The following TRMO variants were observed in gnomAD, a reference collection of about 807,000 sequenced individuals.
The protein encoded by TRMO is tRNA methyltransferase O.
A neutral mutation model predicts 37.2 loss-of-function variants in TRMO; 30 were observed. The observed-to-expected ratio is 0.81, with a 90% confidence interval of 0.60 to 1.09. The LOEUF is 1.09. TRMO is among the 50% of genes least tolerant of loss of function. The pLI is 0.00. For synonymous variants in TRMO, 239 were observed against 199.4 expected (o/e 1.20, Z -1.67); for missense variants, 552 against 549.5 (o/e 1.00, Z -0.05).
intron 4 of TRMO, among the ~76,000 whole-genome samples, chr9:97,905,773 AT>A (rs1225957224): frequency 6.6e-6 from 1 of 152,100 alleles, no homozygotes; most frequent in East Asian, 1.9e-4. Flanking sequence ...AGTGGATTTG[AT>A]TTCTACAAGC....
intron 1 of TRMO, among the ~76,000 whole-genome samples, chr9:97,920,391 G>C (rs1826570681): frequency 6.6e-6 from 1 of 152,198 alleles, no homozygotes; most frequent in African/African-American, 2.4e-5. Flanking sequence ...TCAGAATGGA[G>C]AAAGGATAAA....
In TRMO at chr9:97,910,264, A is replaced by C; in HGVS notation, c.762T>G (p.Phe254Leu). 1.2e-6 allele frequency: 2 copies of C among 1,614,228 alleles called. No individual in the cohort carries two copies. The highest frequency in any genetic ancestry group is 1.7e-6 in the Non-Finnish European group (2 of 1,180,044). The change falls in exon 4 of 5, where the codon TTT becomes TTG. Residue 254 changes from phenylalanine (F) to leucine (L), a missense_variant. Coordinates refer to ENST00000375119, the MANE Select transcript of TRMO (RefSeq NM_016481.5). ...TCTGATCACGTCTTGATTCCAAACC[A>C]AAATCCACTGCTATCTCCCTGTGCA... is the stretch of plus-strand genomic sequence containing the variant. ...FPMHREIAVDFGLESRRDQSS... is the reference protein window; with the variant it reads ...FPMHREIAVDLGLESRRDQSS...
chr9:97,909,965 G>A lies in TRMO; in HGVS notation c.1061C>T (p.Ser354Leu). The A allele has an allele frequency of 6.5e-7, 1 of 1,528,694 alleles. No homozygotes were observed. Among genetic ancestry groups the A allele is most frequent in the Non-Finnish European group, 8.8e-7 (1 of 1,139,368 alleles). 94.7% of individuals were successfully genotyped at this position (1,528,694 alleles called of 1,614,324 possible). Residue 354 changes from serine to leucine, a missense_variant, in exon 4 of 5, where the codon TCA (serine) becomes TTA (leucine). Transcript: ENST00000375119. Reference protein sequence around the residue: ...HAEMDLGQLSSQDVGQASFKY... With the variant: ...HAEMDLGQLSLQDVGQASFKY... ...AATGAAGAAACTGAAGATACCTTGT[G>A]AACTGAGCTGCCCAAGGTCCATCTC...
At chr9:97,922,304 A>C in intron 1 of TRMO, 114 bp downstream of exon 1, 1 of 725,420 alleles carries the variant, frequency 1.4e-6, no homozygotes, top group Non-Finnish European at 2.3e-6. Flanking sequence ...CCGTAGGTAA[A>C]AGAATGACGC....
At chr9:97,912,279 A>G (rs1286571002) in intron 3 of TRMO, 1 of 152,612 alleles carries the variant, frequency 6.6e-6, no homozygotes, top group Non-Finnish European at 1.5e-5. Flanking sequence ...ATCTGACTTG[A>G]CCTTCCCAAT....
At chr9:97,899,456 T>TTTATTTA in the TRMO span, among the ~76,000 whole-genome samples, 1 of 81,172 alleles carries the variant, frequency 1.2e-5, no homozygotes, top group African/African-American at 5.3e-5. Flanking sequence ...TTATTTATTT[T>TTTATTTA]GAGACAGAAT....
chr9:97,903,277 A>C (rs533149665), downstream of TRMO, among the ~76,000 whole-genome samples: 3 of 152,246 alleles, frequency 2.0e-5, no homozygotes, highest in African/African-American at 7.2e-5. Context: ...TAAAAAAAAA[A>C]TCAAAAACCA....
At chr9:97,903,205 C>T (rs954801316), downstream of TRMO, among the ~76,000 whole-genome samples, 4 of 151,890 alleles carry the variant, frequency 2.6e-5, no homozygotes, top group Admixed American at 2.0e-4. Context: ...GAGGTTAAGG[C>T]TGCAGTGAGC....
chr9:97,903,812 G>C (rs1825740412), downstream of TRMO, among the ~76,000 whole-genome samples: 1 of 152,098 alleles, frequency 6.6e-6, no homozygotes, highest in Admixed American at 6.6e-5. Context: ...AGTAATTATA[G>C]GCCAGGCACG....
At chr9:97,918,406 A>T (rs1000710364) in intron 1 of TRMO, among the ~76,000 whole-genome samples, 2 of 151,634 alleles carry the variant, frequency 1.3e-5, no homozygotes, top group African/African-American at 2.4e-5. Context: ...AAAAAATCAC[A>T]ATTTTTTTAA....
Position 97,910,544 on chromosome 9 carries a change from G to A in TRMO, c.482C>T (p.Ala161Val), listed in dbSNP as rs762686677. 1.2e-6 allele frequency: 2 copies of A among 1,614,156 alleles called. No individual in the cohort carries two copies. The highest frequency in any genetic ancestry group is 1.7e-6 in the Non-Finnish European group (2 of 1,179,988). The change falls in exon 4 of 5, where the codon GCT (alanine) becomes GTT (valine). Residue 161 changes from alanine to valine, a missense_variant. Coordinates refer to ENST00000375119, the MANE Select transcript of TRMO (RefSeq NM_016481.5). ...TPVLDIKPYI[A>V]EYDSPQNVME... ...CACATTTTGCGGTGAGTCATACTCA[G>A]CTATGTAGGGCTTGATGTCTAGTAC...
In TRMO at chr9:97,904,773, A is replaced by G. The variant is rs773733574; in HGVS notation, c.1286T>C (p.Met429Thr). The part of the protein sequence containing the change: ...RIKPASEPVH[M>T]TGPVGSLVSL... ...CACCAAGGACCCCACAGGGCCAGTC[A>G]TATGAACAGGCTCAGAAGCCGGCTT... The change falls in exon 5 of 5, where the codon ATG (methionine) becomes ACG (threonine). Residue 429 changes from methionine to threonine, a missense_variant. Met to Thr is a moderately conservative substitution (Grantham distance 81). Coordinates refer to ENST00000375119, the MANE Select transcript of TRMO (RefSeq NM_016481.5). 8.7e-6 allele frequency: 14 copies of G among 1,614,134 alleles called. No individual in the cohort carries two copies. Among genetic ancestry groups the G allele is most frequent in the Non-Finnish European group, 1.2e-5 (14 of 1,180,032 alleles).
chr9:97,912,816 T>C, intron 3 of TRMO: 1 of 723,260 alleles, frequency 1.4e-6, no homozygotes, highest in Non-Finnish European at 2.2e-6. Context: ...TTTCCATAAA[T>C]GCGTAACTAG....
At chr9:97,906,378 A>G (rs1484809985) in intron 4 of TRMO, among the ~76,000 whole-genome samples, 1 of 151,964 alleles carries the variant, frequency 6.6e-6, no homozygotes, top group Non-Finnish European at 1.5e-5. Context: ...CAGCTCAAGC[A>G]CTGTTTCCTT....
intron 4 of TRMO, 99 bp from the exon 5 acceptor site, chr9:97,905,091 A>G: frequency 7.9e-7 from 1 of 1,266,780 alleles, no homozygotes; most frequent in Non-Finnish European, 1.1e-6. Flanking sequence ...CTTAAAGATC[A>G]CTTGACATGG....
At chr9:97,907,657 G>A (rs370612642) in intron 4 of TRMO, among the ~76,000 whole-genome samples, 1 of 152,216 alleles carries the variant, frequency 6.6e-6, no homozygotes, top group African/African-American at 2.4e-5. Context: ...ATGGTCCCCT[G>A]CTCTCTGGGG....
At chr9:97,902,305 T>A (rs1831187375), downstream of TRMO, among the ~76,000 whole-genome samples, 1 of 152,208 alleles carries the variant, frequency 6.6e-6, no homozygotes, top group Non-Finnish European at 1.5e-5. Context: ...TTATTATTTT[T>A]GTGGGTTTTT....
downstream of TRMO, among the ~76,000 whole-genome samples, chr9:97,903,108 A>C (rs1033038950): frequency 6.6e-6 from 1 of 152,056 alleles, no homozygotes; most frequent in African/African-American, 2.4e-5. Context: ...TCTCTACAAA[A>C]AAATTTAAAA....
At chr9:97,920,055 C>A (rs1826554684) in intron 1 of TRMO, among the ~76,000 whole-genome samples, 1 of 152,218 alleles carries the variant, frequency 6.6e-6, no homozygotes, top group South Asian at 2.1e-4. Context: ...AAGCAGAGAC[C>A]TGACACCGTT....
Sources: gnomAD v4.1 joint callset for allele counts (sites outside exome capture counted in the v4.1 genomes callset) on GRCh38, gnomAD v4.1.1 for gene constraint, MANE v1.5 for transcripts, NCBI Gene and HGNC (gene_info 2026-07-23, HGNC 2026-07-21) for gene names.